The following RNF150 variants were observed in gnomAD, a reference collection of about 807,000 sequenced individuals.
RNF150 encodes the protein ring finger protein 150.
In RNF150, 24 loss-of-function variants were observed where a neutral mutation model predicts 39.3. That is an observed-to-expected ratio of 0.61 (90% CI 0.44 to 0.86). RNF150 has a LOEUF of 0.86. Among genes scored for constraint, RNF150 ranks in the 40% least tolerant of loss-of-function variants. The pLI, the probability that RNF150 is intolerant of heterozygous loss-of-function variation, is 0.00. For synonymous variants in RNF150, 255 were observed against 227.3 expected (o/e 1.12, Z -1.10); for missense variants, 502 against 587.8 (o/e 0.85, Z 1.51).
rs982951467 is a variant in RNF150 at position 141,132,179 on chromosome 4, A to G, written c.484+146T>C. On this transcript the variant is annotated intron_variant, in intron 1 of 6. Coordinates refer to ENST00000515673, the MANE Select transcript of RNF150 (RefSeq NM_020724.2). This position sits in a 1 kb window ranked among gnomAD's most constrained non-coding sequence, Gnocchi z 4.9. ...TTTGTAAACCCCCCAAGTGACGCGGAGCAAAACTTAATCGGTCCAGGGAAC... is the reference window on the plus strand; with the variant it reads ...TTTGTAAACCCCCCAAGTGACGCGGGGCAAAACTTAATCGGTCCAGGGAAC... 4.9e-6 allele frequency: 4 copies of G among 808,168 alleles called. No homozygotes were observed. Among genetic ancestry groups the G allele is most frequent in the Non-Finnish European group, 7.8e-6 (4 of 514,460 alleles). The allele number at this position is 808,168 out of a possible 1,614,324, so 50.1% of individuals were successfully genotyped here. A position where few individuals can be genotyped will look rare whatever the true frequency, so the allele number is the denominator to read the frequency against.
intron 6 of RNF150, among the ~76,000 whole-genome samples, chr4:140,869,334 A>G (rs1001726042): frequency 2.6e-5 from 4 of 152,242 alleles, no homozygotes; most frequent in African/African-American, 7.2e-5. Context: ...GTTAAATGGA[A>G]GCAAAGAAAC....
intron 2 of RNF150, among the ~76,000 whole-genome samples, chr4:140,962,596 T>G (rs1265584549): frequency 6.6e-6 from 1 of 151,920 alleles, no homozygotes; most frequent in Non-Finnish European, 1.5e-5. Flanking sequence ...TGGGATTCTA[T>G]CCATTTAAAT....
rs373857932 is a variant in RNF150 at position 141,121,432 on chromosome 4, G to A, written c.484+10893C>T. 3.3e-5 allele frequency among the ~76,000 whole-genome samples: 5 copies of A among 152,300 alleles called. No individual in the cohort carries two copies. In the East Asian group the frequency reaches 7.7e-4, roughly 24 times the overall value. ...CAAACTGGGTAGTAATAACCACAAT[G>A]AGCAGAAGAGGGTACTTCCTACTTG... is the stretch of plus-strand genomic sequence containing the variant. On this transcript the variant is annotated intron_variant, in intron 1 of 6. Coordinates refer to ENST00000515673, the MANE Select transcript of RNF150 (RefSeq NM_020724.2).
intron 5 of RNF150, among the ~76,000 whole-genome samples, chr4:140,918,294 G>C (rs1004630874): frequency 6.6e-5 from 10 of 152,058 alleles, no homozygotes; most frequent in African/African-American, 2.4e-4. Flanking sequence ...TAGACCACTA[G>C]CAAGACGAAT....
chr4:141,055,532 C>T (rs1277346825), intron 1 of RNF150, among the ~76,000 whole-genome samples: 1 of 152,066 alleles, frequency 6.6e-6, no homozygotes, highest in East Asian at 1.9e-4. Context: ...AACAGACACT[C>T]AAATGCTAAA....
intron 1 of RNF150, among the ~76,000 whole-genome samples, chr4:141,108,451 A>T (rs1019060821): frequency 1.1e-4 from 16 of 152,188 alleles, no homozygotes; most frequent in Non-Finnish European, 2.1e-4. Flanking sequence ...AGCACTTCCC[A>T]TGTGCCAAGT....
At chr4:141,014,536 C>T (rs1235702662) in intron 1 of RNF150, among the ~76,000 whole-genome samples, 2 of 152,232 alleles carry the variant, frequency 1.3e-5, no homozygotes, top group East Asian at 3.8e-4. Flanking sequence ...GCAATTTTAA[C>T]AGGTGTGAGG....
At chr4:141,148,775 C>CT (rs1352977545) in intron 1 of RNF150, among the ~76,000 whole-genome samples, 2 of 152,024 alleles carry the variant, frequency 1.3e-5, no homozygotes, top group African/African-American at 4.8e-5. Flanking sequence ...GTCCCTGTTT[C>CT]TTTTTTTTCC....
At position 141,168,348 on chromosome 4, in the gene RNF150, G is replaced by A. The variant is rs115733043; in HGVS notation, c.-6+44446C>T. ...AGGAACGCTTTTACACCATTGGTGG[G>A]ATTGTAAATTAGTCAACCATTGTGG... On this transcript the variant is annotated intron_variant, in intron 1 of 7. Transcript: ENST00000420921. 1.9e-3 allele frequency among the ~76,000 whole-genome samples: 297 copies of A among 152,336 alleles called. 1 individual carries two copies. The highest frequency in any genetic ancestry group is 6.7e-3 in the African/African-American group (277 of 41,578).
chr4:140,934,470 A>G (rs572188191), intron 4 of RNF150, among the ~76,000 whole-genome samples: 193 of 152,334 alleles, frequency 1.3e-3, no homozygotes, highest in Non-Finnish European at 2.2e-3. Context: ...GAAAAAAAAA[A>G]GAATGCAATA....
At chr4:141,098,879 A>C (rs1738902387) in intron 1 of RNF150, among the ~76,000 whole-genome samples, 1 of 152,198 alleles carries the variant, frequency 6.6e-6, no homozygotes, top group South Asian at 2.1e-4. Flanking sequence ...GACACACCTT[A>C]GCCAATGCAG....
intron 6 of RNF150, among the ~76,000 whole-genome samples, chr4:140,887,959 T>C (rs1729637375): frequency 6.6e-6 from 1 of 152,232 alleles, no homozygotes; most frequent in East Asian, 1.9e-4. Flanking sequence ...TAGCTCTTAT[T>C]ATGCTGGCAT....
In RNF150 at chr4:140,862,596, A is replaced by G. The variant is rs556302794; in HGVS notation, c.*5665T>C. The G allele has an allele frequency of 6.6e-6, 1 of 152,252 alleles. No individual in the cohort carries two copies. The highest frequency in any genetic ancestry group is 2.1e-4 in the South Asian group (1 of 4,814). The allele number at this position is 152,252 out of a possible 1,614,324, so 9.4% of individuals were successfully genotyped here. ...TTGATCTGTGGGTCTTTAAAAATTAATGTTCCTATTACACAGGGTCTGGGG... is the reference window on the plus strand; with the variant it reads ...TTGATCTGTGGGTCTTTAAAAATTAGTGTTCCTATTACACAGGGTCTGGGG... On this transcript the variant is annotated 3_prime_UTR_variant, in exon 7 of 7. Transcript: ENST00000515673.
chr4:141,189,233 C>T (rs896223679), intron 1 of RNF150, among the ~76,000 whole-genome samples: 6 of 152,192 alleles, frequency 3.9e-5, no homozygotes, highest in African/African-American at 1.4e-4. Context: ...GTGGAGGCTG[C>T]AGAACAGCAT....
chr4:140,913,016 G>A (rs1730673912), intron 5 of RNF150, among the ~76,000 whole-genome samples: 1 of 150,758 alleles, frequency 6.6e-6, no homozygotes, highest in Admixed American at 6.6e-5. Context: ...GCTCACGCCT[G>A]TAATCCCAGC....
chr4:141,132,414 A>C lies in RNF150; in HGVS notation c.395T>G (p.Ile132Ser). Reference protein sequence around the residue: ...PKGNCTYRDKIRNAFLQNASA... With the variant: ...PKGNCTYRDKSRNAFLQNASA... ...GGCGTTCTGCAGGAACGCGTTCCGG[A>C]TCTTATCCCTGTACGTGCAGTTGCC... Residue 132 changes from isoleucine to serine, a missense_variant, in exon 1 of 7, where the codon ATC becomes AGC. Physicochemically the swap from Ile to Ser is moderately radical, Grantham distance 142. Transcript: ENST00000515673. This position sits in a 1 kb window ranked among gnomAD's most constrained non-coding sequence, Gnocchi z 4.9. 1 of 1,609,436 alleles carries C rather than the reference A, an allele frequency of 6.2e-7. No individual in the cohort carries two copies. The highest frequency in any genetic ancestry group is 8.5e-7 in the Non-Finnish European group (1 of 1,178,408).
chr4:141,044,934 T>C (rs1396428407), intron 1 of RNF150, among the ~76,000 whole-genome samples: 2 of 152,244 alleles, frequency 1.3e-5, no homozygotes, highest in African/African-American at 4.8e-5. Flanking sequence ...TTAATGTTCT[T>C]AGTTTTTCTT....
intron 1 of RNF150, among the ~76,000 whole-genome samples, chr4:141,190,299 C>T (rs987135967): frequency 5.9e-5 from 9 of 152,154 alleles, no homozygotes; most frequent in African/African-American, 9.7e-5. Flanking sequence ...CCCAATCAGT[C>T]GATTTTAAGT....
At chr4:141,004,385 C>A (rs1734791778) in intron 1 of RNF150, among the ~76,000 whole-genome samples, 1 of 152,168 alleles carries the variant, frequency 6.6e-6, no homozygotes, top group African/African-American at 2.4e-5. Flanking sequence ...GACACTAAAG[C>A]TGAGCTCAGA....
Sources: allele counts gnomAD v4.1 joint callset (sites outside exome capture counted in the v4.1 genomes callset), GRCh38; gene constraint gnomAD v4.1.1; non-coding constraint Gnocchi (gnomAD v3.1); transcripts MANE v1.5; gene names NCBI Gene and HGNC (gene_info 2026-07-23, HGNC 2026-07-21).